Variants in ARB2A observed in about 807,000 individuals in gnomAD.
ARB2A encodes the protein ARB2 cotranscriptional regulator A.
At chr5:93,621,581 C>T in the ARB2A span, among the ~76,000 whole-genome samples, 1 of 152,228 alleles carries the variant, frequency 6.6e-6, no homozygotes, top group African/African-American at 2.4e-5. Flanking sequence ...CACCCACTCC[C>T]GAGACTCGGC....
the ARB2A span, chr5:93,618,879 T>C: frequency 6.6e-5 from 10 of 152,336 alleles, no homozygotes; most frequent in African/African-American, 2.2e-4. Context: ...AGAGAAGGAA[T>C]AGCAGTGATT....
the ARB2A span, among the ~76,000 whole-genome samples, chr5:93,852,163 G>C: frequency 6.6e-6 from 1 of 152,048 alleles, no homozygotes; most frequent in Non-Finnish European, 1.5e-5. Flanking sequence ...GTGTGAGATG[G>C]TATCTCACTG....
At chr5:93,853,644 TTTA>T in the ARB2A span, among the ~76,000 whole-genome samples, 5 of 152,138 alleles carry the variant, frequency 3.3e-5, no homozygotes, top group African/African-American at 4.8e-5. Context: ...CAATACCAAA[TTTA>T]TTGAGAGTTT....
the ARB2A span, among the ~76,000 whole-genome samples, chr5:93,788,225 C>A: frequency 6.6e-6 from 1 of 152,082 alleles, no homozygotes; most frequent in Non-Finnish European, 1.5e-5. Context: ...TCCTGTTTAT[C>A]ATTATTTTTT....
the ARB2A span, among the ~76,000 whole-genome samples, chr5:93,812,177 A>C: frequency 6.6e-6 from 1 of 152,138 alleles, no homozygotes; most frequent in Non-Finnish European, 1.5e-5. Flanking sequence ...AAATATGTTT[A>C]ATATTTGGAT....
the ARB2A span, among the ~76,000 whole-genome samples, chr5:93,767,520 C>A: frequency 1.3e-5 from 2 of 152,048 alleles, no homozygotes; most frequent in Non-Finnish European, 2.9e-5. Flanking sequence ...AATCCCACTC[C>A]TGGGTATCTA....
chr5:93,664,479 A>C, the ARB2A span, among the ~76,000 whole-genome samples: 1 of 151,880 alleles, frequency 6.6e-6, no homozygotes, highest in Non-Finnish European at 1.5e-5. Context: ...AAAACACAAA[A>C]AATTAGCCAG....
At chr5:93,760,081 T>C in the ARB2A span, among the ~76,000 whole-genome samples, 1 of 152,172 alleles carries the variant, frequency 6.6e-6, no homozygotes, top group Admixed American at 6.5e-5. Flanking sequence ...CACAAATCGG[T>C]AGCTCTTCTA....
At chr5:93,901,586 TAA>T in the ARB2A span, among the ~76,000 whole-genome samples, 3 of 152,166 alleles carry the variant, frequency 2.0e-5, no homozygotes, top group African/African-American at 7.2e-5. Context: ...AAGATGTTTA[TAA>T]AGTTTTCAAT....
the ARB2A span, chr5:93,805,923 G>A: frequency 2.0e-6 from 2 of 985,066 alleles, no homozygotes; most frequent in East Asian, 2.3e-4. Flanking sequence ...ATGAGTTGCT[G>A]TGAAATATAT....
the ARB2A span, among the ~76,000 whole-genome samples, chr5:93,685,700 CAT>C: frequency 6.6e-6 from 1 of 152,220 alleles, no homozygotes; most frequent in Non-Finnish European, 1.5e-5. Context: ...TGAATGGACA[CAT>C]GTGTCAAGGT....
At chr5:93,832,096 C>T in the ARB2A span, among the ~76,000 whole-genome samples, 2 of 152,128 alleles carry the variant, frequency 1.3e-5, no homozygotes, top group African/African-American at 2.4e-5. Context: ...AGGAATCAAC[C>T]TTGCTAGCAG....
At chr5:93,881,281 C>G in the ARB2A span, 3 of 439,042 alleles carry the variant, frequency 6.8e-6, no homozygotes, top group East Asian at 7.9e-5. Flanking sequence ...AAATGTCACA[C>G]TGAAATAAGA....
At chr5:93,703,844 A>G in the ARB2A span, among the ~76,000 whole-genome samples, 2 of 152,038 alleles carry the variant, frequency 1.3e-5, no homozygotes, top group African/African-American at 4.8e-5. Context: ...TCCTTAATCC[A>G]TTCCTGGAAG....
the ARB2A span, among the ~76,000 whole-genome samples, chr5:93,854,781 T>C: frequency 1.6e-3 from 242 of 152,338 alleles, 1 homozygote; most frequent in Non-Finnish European, 2.5e-3. Flanking sequence ...AGTGAGTTTC[T>C]TAATCCTGAG....
the ARB2A span, chr5:94,050,647 G>T: frequency 1.0e-6 from 1 of 959,280 alleles, no homozygotes; most frequent in Non-Finnish European, 1.6e-6. Flanking sequence ...TAGAAAGAGT[G>T]CATAAACTGC....
At chr5:93,688,397 C>T in the ARB2A span, among the ~76,000 whole-genome samples, 1 of 152,214 alleles carries the variant, frequency 6.6e-6, no homozygotes, top group African/African-American at 2.4e-5. Context: ...TCTTCAAACG[C>T]ATTTCCATTC....
At chr5:93,785,029 A>G in the ARB2A span, among the ~76,000 whole-genome samples, 1 of 152,208 alleles carries the variant, frequency 6.6e-6, no homozygotes, top group African/African-American at 2.4e-5. Flanking sequence ...TTTCATTCAA[A>G]GCCTATTAAT....
At chr5:93,865,144 C>T in the ARB2A span, among the ~76,000 whole-genome samples, 2 of 152,076 alleles carry the variant, frequency 1.3e-5, no homozygotes, top group East Asian at 1.9e-4. Flanking sequence ...TGCAGTGGCG[C>T]GATCTCGGCT....
Sources: gnomAD v4.1 joint callset for allele counts (sites outside exome capture counted in the v4.1 genomes callset) on GRCh38, gnomAD v4.1.1 for gene constraint, MANE v1.5 for transcripts, NCBI Gene and HGNC (gene_info 2026-07-23, HGNC 2026-07-21) for gene names.